SVOPL: variants seen among roughly 807,000 people sequenced by gnomAD.
The protein encoded by SVOPL is SVOP like.
Under a neutral mutation model 61.0 loss-of-function variants are expected in SVOPL, and 60 were observed. The observed-to-expected ratio is 0.98, with a 90% CI of 0.80 to 1.22. The LOEUF (loss-of-function observed/expected upper bound fraction) is 1.22. Among genes scored for constraint, SVOPL ranks in the 50% most tolerant of loss-of-function variants. The pLI is 0.00. For synonymous variants in SVOPL, 279 were observed against 250.0 expected, an observed-to-expected ratio of 1.12 and a Z score of -1.09; for missense variants, 662 against 643.9, an observed-to-expected ratio of 1.03 and a Z score of -0.30.
At chr7:138,676,358 T>A (rs1321830077) in intron 3 of SVOPL, among the ~76,000 whole-genome samples, 2 of 152,170 alleles carry the variant, frequency 1.3e-5, no homozygotes, top group Non-Finnish European at 2.9e-5. Flanking sequence ...TTCTCACAGT[T>A]CTGCAGGTCG....
chr7:138,599,167 A>AAAAAAAAAAAAAAAAAAAC (rs58372563), intron 14 of SVOPL, among the ~76,000 whole-genome samples: 2 of 121,830 alleles, frequency 1.6e-5, no homozygotes, highest in Non-Finnish European at 3.3e-5. Context: ...ACCAAAAAAA[A>AAAAAAAAAAAAAAAAAAAC]AAGAAATACA....
In SVOPL at chr7:138,682,983, G is replaced by GA. The variant is rs1182438262; in HGVS notation, c.-34-3905dup. Among the ~76,000 whole-genome samples the GA allele has an allele frequency of 6.9e-3, 721 of 104,312 alleles. 9 individuals are homozygous for GA. Among genetic ancestry groups the GA allele is most frequent in the African/African-American group, 0.029 (651 of 22,252 alleles). 68.4% of individuals were successfully genotyped at this position (104,312 alleles called of 152,430 possible). On this transcript the variant is annotated intron_variant, in intron 1 of 15. Coordinates refer to ENST00000674285, the MANE Select transcript of SVOPL (RefSeq NM_001139456.2). Reference sequence around the variant, plus strand: ...AACTCCATCTCAAAAAAAAAAAAAAGAAAAAAAAAAGAAAAACAGCAATGT... The same window carrying GA: ...AACTCCATCTCAAAAAAAAAAAAAAGAAAAAAAAAAAGAAAAACAGCAATGT...
intron 4 of SVOPL, among the ~76,000 whole-genome samples, chr7:138,669,330 C>T (rs1802356861): frequency 6.6e-6 from 1 of 152,082 alleles, no homozygotes; most frequent in Admixed American, 6.6e-5. Flanking sequence ...ATTATTTGAG[C>T]CCAGGAGTTC....
chr7:138,614,753 A>G (rs374246362), intron 14 of SVOPL, among the ~76,000 whole-genome samples: 1 of 152,282 alleles, frequency 6.6e-6, no homozygotes. Flanking sequence ...AGATTTGGGG[A>G]TGACAGCTAT....
chr7:138,659,830 T>C, intron 6 of SVOPL, 34 bp downstream of exon 6: 1 of 1,548,676 alleles, frequency 6.5e-7, no homozygotes, highest in Admixed American at 2.0e-5. Flanking sequence ...GGGTACACGT[T>C]TCTGTCTCAG....
intron 4 of SVOPL, among the ~76,000 whole-genome samples, chr7:138,667,334 C>T (rs1413612424): frequency 6.6e-6 from 1 of 152,136 alleles, no homozygotes; most frequent in Non-Finnish European, 1.5e-5. Flanking sequence ...TCCTATAAAG[C>T]AAGGACATGT....
chr7:138,635,177 C>T (rs1432370615), intron 9 of SVOPL, among the ~76,000 whole-genome samples: 1 of 151,114 alleles, frequency 6.6e-6, no homozygotes, highest in Non-Finnish European at 1.5e-5. Context: ...GAGGCTGAGG[C>T]AGGAAAATCG....
intron 11 of SVOPL, 118 bp from the exon 12 acceptor site, chr7:138,627,579 C>T (rs1376960324): frequency 3.3e-5 from 24 of 718,954 alleles, no homozygotes; most frequent in South Asian, 1.5e-4. Flanking sequence ...CCAAACCTCA[C>T]GAGTATTCCA....
chr7:138,651,628 G>A lies in SVOPL; in HGVS notation c.535-2491C>T, dbSNP rs142258037. On this transcript the variant is annotated intron_variant, in intron 7 of 15. Coordinates refer to ENST00000674285, the MANE Select transcript of SVOPL (RefSeq NM_001139456.2). ...TATTTCAAACTTTATCATTATTTTT[G>A]CATCTGTTATGGTAGTCTGTGACCC... 1.1e-4 allele frequency among the ~76,000 whole-genome samples: 16 copies of A among 152,078 alleles called. No homozygotes were observed. The East Asian group carries it at 3.1e-3, about 29-fold the overall frequency.
chr7:138,632,220 T>C (rs1800237034), intron 9 of SVOPL, among the ~76,000 whole-genome samples: 1 of 152,108 alleles, frequency 6.6e-6, no homozygotes, highest in South Asian at 2.1e-4. Flanking sequence ...TCACCTGAGG[T>C]CAGGGGTTCA....
At chr7:138,619,979 CCAGA>C (rs1799477728) in intron 14 of SVOPL, among the ~76,000 whole-genome samples, 2 of 152,126 alleles carry the variant, frequency 1.3e-5, no homozygotes, top group Admixed American at 1.3e-4. Flanking sequence ...ACCACAGGCA[CCAGA>C]CAGAGAAAGA....
chr7:138,649,989 A>G (rs1406286821), intron 7 of SVOPL, among the ~76,000 whole-genome samples: 1 of 151,574 alleles, frequency 6.6e-6, no homozygotes, highest in African/African-American at 2.4e-5. Flanking sequence ...GTGCCACCAC[A>G]CCCAGCTAAT....
intron 9 of SVOPL, among the ~76,000 whole-genome samples, chr7:138,642,334 G>T (rs538866150): frequency 7.0e-6 from 1 of 143,334 alleles, no homozygotes. Context: ...CCCCGCCCCC[G>T]CAAAAGCTTG....
chr7:138,628,425 GA>G, intron 10 of SVOPL, 62 bp from the exon 11 acceptor site: 1 of 1,546,972 alleles, frequency 6.5e-7, no homozygotes, highest in Admixed American at 1.8e-5. Flanking sequence ...GATGAGTGGG[GA>G]GGGGATACCA....
At chr7:138,696,399 TTTG>T (rs914357521) in intron 1 of SVOPL, among the ~76,000 whole-genome samples, 5 of 151,852 alleles carry the variant, frequency 3.3e-5, no homozygotes, top group African/African-American at 1.2e-4. Flanking sequence ...CCTGGCTAAT[TTTG>T]TTGTTGTTGT....
Position 138,649,130 on chromosome 7 carries a change from CAGAACACCT to C in SVOPL, c.535-2_541del. The stretch of plus-strand genomic sequence containing the variant: ...AATGATGAGCAGGGAGCCCGCAAGC[CAGAACACCT>C]AGGAAGAGAGAAGTCCAGGATTAAA... On this transcript the variant is annotated splice_acceptor_variant and coding_sequence_variant, in exon 8 of 16. Transcript: ENST00000674285. LOFTEE classifies it high-confidence loss of function. 2 of 1,612,172 alleles carry C rather than the reference CAGAACACCT, an allele frequency of 1.2e-6. No individual in the cohort carries two copies. The highest frequency in any genetic ancestry group is 1.7e-6 in the Non-Finnish European group (2 of 1,179,454).
At chr7:138,644,196 T>TA (rs1800975113) in intron 9 of SVOPL, among the ~76,000 whole-genome samples, 1 of 30,358 alleles carries the variant, frequency 3.3e-5, no homozygotes. Flanking sequence ...CAAGACTCCA[T>TA]CAAAAAAAAA....
chr7:138,629,137 G>A (rs1282543491), intron 10 of SVOPL, among the ~76,000 whole-genome samples: 2 of 83,238 alleles, frequency 2.4e-5, no homozygotes, highest in Admixed American at 1.5e-4. Flanking sequence ...ATGTGTGTGT[G>A]TGTGTGTGTG....
intron 14 of SVOPL, among the ~76,000 whole-genome samples, chr7:138,603,187 C>T (rs1798604510): frequency 6.6e-6 from 1 of 152,080 alleles, no homozygotes; most frequent in Non-Finnish European, 1.5e-5. Context: ...GATAATTTTC[C>T]CTTATAACTT....
Sources: gnomAD v4.1 joint callset for allele counts (sites outside exome capture counted in the v4.1 genomes callset) on GRCh38, gnomAD v4.1.1 for gene constraint, MANE v1.5 for transcripts, NCBI Gene and HGNC (gene_info 2026-07-23, HGNC 2026-07-21) for gene names.